The following IL11 variants were observed in gnomAD, a reference collection of about 807,000 sequenced individuals.
The protein encoded by IL11 is interleukin 11, also known as interleukin-11.
In IL11, 17 loss-of-function variants were observed where a neutral mutation model predicts 18.1. The observed-to-expected ratio is 0.94, with a 90% CI of 0.64 to 1.41. The LOEUF is 1.41. IL11 is among the 40% of genes most tolerant of loss of function. The probability of loss-of-function intolerance (pLI) is 0.00; values close to 1 mark genes in which losing one functional copy is unlikely to be tolerated. For missense variants in IL11, 309 were observed against 262.8 expected (o/e 1.18, Z -1.22); for synonymous variants, 144 against 134.1 (o/e 1.07, Z -0.51).
chr19:55,368,884 G>C lies in IL11; in HGVS notation c.65C>G (p.Pro22Arg). Residue 22 changes from proline (P) to arginine (R), a missense_variant, in exon 2 of 5, where the codon CCT becomes CGT. Coordinates refer to ENST00000264563, the MANE Select transcript of IL11 (RefSeq NM_000641.4). ...LSLWPDTAVA[P>R]GPPPGPPRVS... ...TCGAGGGGGGCCAGGTGGTGGCCCA[G>C]GGGCGACAGCTGTATCTGGCCACAG... The C allele has an allele frequency of 6.4e-7, 1 of 1,567,496 alleles. No homozygotes were observed. Among genetic ancestry groups the C allele is most frequent in the Non-Finnish European group, 8.7e-7 (1 of 1,155,916 alleles).
chr19:55,368,797 G>T lies in IL11; in HGVS notation c.152C>A (p.Ala51Glu). The T allele has an allele frequency of 1.3e-6, 2 of 1,591,074 alleles. No homozygotes were observed. Among genetic ancestry groups the T allele is most frequent in the East Asian group, 4.5e-5 (2 of 44,160 alleles). Residue 51 changes from alanine to glutamate, a missense_variant, in exon 2 of 5, where the codon GCG becomes GAG. Physicochemically the swap from Ala to Glu is moderately radical, Grantham distance 107. Transcript: ENST00000264563. ...STVLLTRSLL[A>E]DTRQLAAQLR... The stretch of plus-strand genomic sequence containing the variant: ...CTGTGCAGCCAGCTGCCGCGTGTCC[G>T]CCAGGAGAGAGCGGGTCAGGAGCAC...
Position 55,368,303 on chromosome 19 carries a change from G to T in IL11, c.336C>A (p.Arg112=). The T allele has an allele frequency of 6.3e-7, 1 of 1,581,900 alleles. No individual in the cohort carries two copies. Among genetic ancestry groups the T allele is most frequent in the Non-Finnish European group, 8.6e-7 (1 of 1,163,226 alleles). The part of the protein sequence containing the change: ...LSYLRHVQWL[R]RAGGSSLKTL... ...TCTTCAGGGAAGAGCCACCTGCCCG[G>T]CGCAGCCACTGCACGTGCCGCAGGT... is the stretch of plus-strand genomic sequence containing the variant. The change falls in exon 4 of 5, where the codon CGC becomes CGA. Residue 112 remains arginine, a synonymous_variant. Transcript: ENST00000264563.
In IL11 at chr19:55,368,147, G is replaced by A. The variant is rs949379060; in HGVS notation, c.429+63C>T. On this transcript the variant is annotated intron_variant, in intron 4 of 4. Coordinates refer to ENST00000264563, the MANE Select transcript of IL11 (RefSeq NM_000641.4). ...GGGGTCTCAGGCTTCAAGGACTCAG[G>A]CCACAGGATTTTGGGGCCAGGGGTG... is the stretch of plus-strand genomic sequence containing the variant. The A allele has an allele frequency of 7.8e-6, 11 of 1,409,676 alleles. No homozygotes were observed. The African/African-American group carries it at 1.6e-4, about 20-fold the overall frequency. 87.3% of individuals were successfully genotyped at this position (1,409,676 alleles called of 1,614,324 possible).
At position 55,365,927 on chromosome 19, in the gene IL11, G is replaced by A. The variant is rs1445843378; in HGVS notation, c.*80C>T. 6.5e-7 allele frequency: 1 copy of A among 1,541,624 alleles called. No homozygotes were observed. Among genetic ancestry groups the A allele is most frequent in the Admixed American group, 2.0e-5 (1 of 50,174 alleles). On this transcript the variant is annotated 3_prime_UTR_variant, in exon 5 of 5. Transcript: ENST00000264563. ...GAGATAATGGCGGGGGGATCACCTG[G>A]CTGTTTCGCCCCCAGTACTGAAATA...
rs1020921298 is a variant in IL11 at position 55,370,444 on chromosome 19, A to T, written c.-134T>A. ...CTGGGGAGGGGAGGCATGTGCCCTG[A>T]GCAGCAGGGCCGCGGCAGTGAGGGA... is the stretch of plus-strand genomic sequence containing the variant. On this transcript the variant is annotated 5_prime_UTR_variant, in exon 1 of 5. Coordinates refer to ENST00000264563, the MANE Select transcript of IL11 (RefSeq NM_000641.4). 9.6e-5 allele frequency: 28 copies of T among 293,136 alleles called. No homozygotes were observed. The highest frequency in any genetic ancestry group is 1.5e-4 in the Non-Finnish European group (26 of 171,324). 18.2% of individuals were successfully genotyped at this position (293,136 alleles called of 1,614,324 possible). A position where few individuals can be genotyped will look rare whatever the true frequency, so the allele number is the denominator to read the frequency against.
rs1200462529 is a variant in IL11 at position 55,364,542 on chromosome 19, T to C, written c.*1465A>G. The C allele has an allele frequency of 1.3e-5, 2 of 152,208 alleles. No individual in the cohort carries two copies. 9.4% of individuals were successfully genotyped at this position (152,208 alleles called of 1,614,324 possible). A position where few individuals can be genotyped will look rare whatever the true frequency, so the allele number is the denominator to read the frequency against. On this transcript the variant is annotated 3_prime_UTR_variant, in exon 5 of 5. Coordinates refer to ENST00000264563, the MANE Select transcript of IL11 (RefSeq NM_000641.4). ...CCTGGAGACAGTCATTGTCAACATT[T>C]TGGCGTATTTCCCTTTAGGATTTTT...
At position 55,365,726 on chromosome 19, in the gene IL11, A is replaced by G. The variant is rs2089780771; in HGVS notation, c.*281T>C. 1 of 456,156 alleles carries G rather than the reference A, an allele frequency of 2.2e-6. No homozygotes were observed. The highest frequency in any genetic ancestry group is 4.5e-5 in the East Asian group (1 of 22,330). 28.3% of individuals were successfully genotyped at this position (456,156 alleles called of 1,614,324 possible). A position where few individuals can be genotyped will look rare whatever the true frequency, so the allele number is the denominator to read the frequency against. On this transcript the variant is annotated 3_prime_UTR_variant, in exon 5 of 5. Coordinates refer to ENST00000264563, the MANE Select transcript of IL11 (RefSeq NM_000641.4). ...GCCCAGGCCTAGATGGGGAAGAGCCAGGGCAGAAGTCTGTGGACAGACTTC... is the reference window on the plus strand; with the variant it reads ...GCCCAGGCCTAGATGGGGAAGAGCCGGGGCAGAAGTCTGTGGACAGACTTC...
Position 55,370,413 on chromosome 19 carries a change from C to G in IL11, c.-103G>C, listed in dbSNP as rs958404894. On this transcript the variant is annotated 5_prime_UTR_variant, in exon 1 of 5. Coordinates refer to ENST00000264563, the MANE Select transcript of IL11 (RefSeq NM_000641.4). ...GGGGAGCCCCGAGGGTCAGCTGGGC[C>G]GCGGCCTGGGGAGGGGAGGCATGTG... The G allele has an allele frequency of 3.8e-4, 366 of 959,472 alleles. No individual in the cohort carries two copies. The highest frequency in any genetic ancestry group is 5.0e-4 in the Non-Finnish European group (356 of 712,658). The allele number at this position is 959,472 out of a possible 1,614,324, so 59.4% of individuals were successfully genotyped here. A position where few individuals can be genotyped will look rare whatever the true frequency, so the allele number is the denominator to read the frequency against.
chr19:55,366,153 G>T lies in IL11; in HGVS notation c.454C>A (p.Pro152Thr), dbSNP rs1212471417. 7 of 1,502,778 alleles carry T rather than the reference G, an allele frequency of 4.7e-6. No homozygotes were observed. In the South Asian group the frequency reaches 8.7e-5, roughly 19 times the overall value. The allele number at this position is 1,502,778 out of a possible 1,614,324, so 93.1% of individuals were successfully genotyped here. A position where few individuals can be genotyped will look rare whatever the true frequency, so the allele number is the denominator to read the frequency against. ...GGGGGCGCCGGCGGGTCCGGGGGTG[G>T]CTGGGGCAGGGCCAGGCGGGACATC... ...LLMSRLALPQ[P>T]PPDPPAPPLA... Residue 152 changes from proline to threonine, a missense_variant, in exon 5 of 5, where the codon CCA becomes ACA. By Grantham distance (38) the Pro-to-Thr change is conservative. Transcript: ENST00000264563. This position sits in a 1 kb window ranked among gnomAD's most constrained non-coding sequence, Gnocchi z 4.6.
At chr19:55,367,155 T>C (rs2089790676) in intron 4 of IL11, among the ~76,000 whole-genome samples, 1 of 152,120 alleles carries the variant, frequency 6.6e-6, no homozygotes, top group Non-Finnish European at 1.5e-5. Flanking sequence ...GAACCAGGGT[T>C]TGAAGTCTTC....
Position 55,365,801 on chromosome 19 carries a change from A to G in IL11, c.*206T>C. On this transcript the variant is annotated 3_prime_UTR_variant, in exon 5 of 5. Coordinates refer to ENST00000264563, the MANE Select transcript of IL11 (RefSeq NM_000641.4). ...CCAGTCCCCTCCTCCTCGGGGACCCAGGAGTCCACCTGCCTCCCACCCCTG... is the reference window on the plus strand; with the variant it reads ...CCAGTCCCCTCCTCCTCGGGGACCCGGGAGTCCACCTGCCTCCCACCCCTG... The G allele has an allele frequency of 1.4e-6, 1 of 739,800 alleles. No homozygotes were observed. The highest frequency in any genetic ancestry group is 2.1e-6 in the Non-Finnish European group (1 of 480,704). 45.8% of individuals were successfully genotyped at this position (739,800 alleles called of 1,614,324 possible). A position where few individuals can be genotyped will look rare whatever the true frequency, so the allele number is the denominator to read the frequency against.
At position 55,369,284 on chromosome 19, in the gene IL11, C is replaced by A. The variant is rs986895114; in HGVS notation, c.8-343G>T. The A allele has an allele frequency of 4.3e-5, 8 of 184,344 alleles. No homozygotes were observed. The East Asian group carries it at 1.1e-3, about 25-fold the overall frequency. The allele number at this position is 184,344 out of a possible 1,614,324, so 11.4% of individuals were successfully genotyped here. ...GCTCTGGCTGCCCCGCCCGTCGGAG[C>A]AGACGCGGCCCGGGGCGGGTAGACG... On this transcript the variant is annotated intron_variant, in intron 1 of 4. Transcript: ENST00000264563. This position sits in a 1 kb window ranked among gnomAD's most constrained non-coding sequence, Gnocchi z 6.1.
At chr19:55,368,740 T>G in intron 2 of IL11, 29 bp downstream of exon 2, 9 of 1,554,294 alleles carry the variant, frequency 5.8e-6, no homozygotes, top group Non-Finnish European at 7.8e-6. Context: ...CTCTCACTCC[T>G]GTGCTGGCCC....
Position 55,368,224 on chromosome 19 carries a change from G to A in IL11, c.415C>T (p.Arg139Trp), listed in dbSNP as rs778014138. ...CCAGGACATACCAGGAGCTGCAGCCGGCGCAGCAGCCGGTCCAGTCGGGCC... is the reference window on the plus strand; with the variant it reads ...CCAGGACATACCAGGAGCTGCAGCCAGCGCAGCAGCCGGTCCAGTCGGGCC... ...LQARLDRLLR[R>W]LQLLMSRLAL... is the part of the protein sequence containing the mutation. Residue 139 changes from arginine to tryptophan, a missense_variant, in exon 4 of 5, where the codon CGG becomes TGG. Coordinates refer to ENST00000264563, the MANE Select transcript of IL11 (RefSeq NM_000641.4). 2.4e-5 allele frequency: 37 copies of A among 1,533,326 alleles called. No individual in the cohort carries two copies. Among genetic ancestry groups the A allele is most frequent in the African/African-American group, 1.2e-4 (9 of 72,636 alleles). 95.0% of individuals were successfully genotyped at this position (1,533,326 alleles called of 1,614,324 possible).
At position 55,368,344 on chromosome 19, in the gene IL11, C is replaced by A; in HGVS notation, c.295G>T (p.Ala99Ser). The A allele has an allele frequency of 6.3e-7, 1 of 1,599,474 alleles. No homozygotes were observed. Among genetic ancestry groups the A allele is most frequent in the South Asian group, 1.1e-5 (1 of 89,548 alleles). The change falls in exon 4 of 5, where the codon GCG becomes TCG. Residue 99 changes from alanine (A) to serine (S), a missense_variant. By Grantham distance (99) the Ala-to-Ser change is moderately conservative (BLOSUM62 1). Coordinates refer to ENST00000264563, the MANE Select transcript of IL11 (RefSeq NM_000641.4). ...QLPGVLTRLR[A>S]DLLSYLRHVQ... is the part of the protein sequence containing the mutation. ...TGCCGCAGGTAGGACAGTAGGTCCG[C>A]TCGCAGCCTTGTCAGCACACCTGGG... is the stretch of plus-strand genomic sequence containing the variant.
chr19:55,370,434 A>C lies in IL11; in HGVS notation c.-124T>G. The stretch of plus-strand genomic sequence containing the variant: ...GGGCCGCGGCCTGGGGAGGGGAGGC[A>C]TGTGCCCTGAGCAGCAGGGCCGCGG... On this transcript the variant is annotated 5_prime_UTR_variant, in exon 1 of 5. The change abolishes an upstream ATG in the 5' untranslated region. Coordinates refer to ENST00000264563, the MANE Select transcript of IL11 (RefSeq NM_000641.4). The C allele has an allele frequency of 2.1e-6, 1 of 478,390 alleles. No individual in the cohort carries two copies. Among genetic ancestry groups the C allele is most frequent in the Non-Finnish European group, 3.2e-6 (1 of 310,746 alleles). 29.6% of individuals were successfully genotyped at this position (478,390 alleles called of 1,614,324 possible). A position where few individuals can be genotyped will look rare whatever the true frequency, so the allele number is the denominator to read the frequency against.
At chr19:55,367,868 G>A (rs2123241313) in intron 4 of IL11, among the ~76,000 whole-genome samples, 1 of 152,160 alleles carries the variant, frequency 6.6e-6, no homozygotes, top group South Asian at 2.1e-4. Context: ...CTTAGGGGCT[G>A]GGATCTGGGG....
chr19:55,368,300 C>G lies in IL11; in HGVS notation c.339G>C (p.Arg113=). ...SYLRHVQWLR[R]AGGSSLKTLE... is the part of the protein sequence containing the mutation. ...GGGTCTTCAGGGAAGAGCCACCTGC[C>G]CGGCGCAGCCACTGCACGTGCCGCA... The change falls in exon 4 of 5, where the codon CGG becomes CGC. Residue 113 remains arginine, a synonymous_variant. Transcript: ENST00000264563. The G allele has an allele frequency of 6.3e-7, 1 of 1,578,876 alleles. No homozygotes were observed. Among genetic ancestry groups the G allele is most frequent in the Non-Finnish European group, 8.6e-7 (1 of 1,161,654 alleles).
intron 4 of IL11, 149 bp downstream of exon 4, chr19:55,368,061 G>A (rs2047581333): frequency 1.5e-6 from 1 of 656,608 alleles, no homozygotes; most frequent in Non-Finnish European, 2.6e-6. Context: ...ACGGTGTCAG[G>A]GTCTCAGAGC....
Sources: gnomAD v4.1 joint callset for allele counts (sites outside exome capture counted in the v4.1 genomes callset) on GRCh38, gnomAD v4.1.1 for gene constraint, Gnocchi (gnomAD v3.1) non-coding constraint, MANE v1.5 for transcripts, NCBI Gene and HGNC (gene_info 2026-07-23, HGNC 2026-07-21) for gene names.